VRK2: variants seen among roughly 807,000 people sequenced by gnomAD.
The protein encoded by VRK2 is VRK serine/threonine kinase 2.
A neutral mutation model predicts 57.6 loss-of-function variants in VRK2; 60 were observed. The ratio of observed to expected loss-of-function variants is 1.04; its 90% CI spans 0.85 to 1.29. The LOEUF (loss-of-function observed/expected upper bound fraction) is 1.29, where lower values mean the gene tolerates loss of function less well. Among genes scored for constraint, VRK2 ranks in the 50% most tolerant of loss-of-function variants. The probability of loss-of-function intolerance (pLI) is 0.00; values close to 1 mark genes in which losing one functional copy is unlikely to be tolerated. For missense variants in VRK2, 705 were observed against 588.1 expected, an observed-to-expected ratio of 1.20 and a Z score of -2.06; for synonymous variants, 231 against 199.2, an observed-to-expected ratio of 1.16 and a Z score of -1.35.
intron 7 of VRK2, among the ~76,000 whole-genome samples, chr2:58,104,864 A>G (rs940594176): frequency 6.6e-6 from 1 of 152,032 alleles, no homozygotes; most frequent in South Asian, 2.1e-4. Flanking sequence ...AAATAGACAC[A>G]TAGATCAGTG....
intron 7 of VRK2, among the ~76,000 whole-genome samples, chr2:58,092,576 C>T (rs930618772): frequency 1.3e-5 from 2 of 152,154 alleles, no homozygotes; most frequent in African/African-American, 2.4e-5. Flanking sequence ...GTATGTTTCA[C>T]ATGGAAACTG....
chr2:58,132,894 A>G (rs915686088), intron 9 of VRK2, among the ~76,000 whole-genome samples: 1 of 152,182 alleles, frequency 6.6e-6, no homozygotes, highest in East Asian at 1.9e-4. Flanking sequence ...CCAAAACTAA[A>G]ACATTTATAT....
At chr2:58,132,479 A>G (rs1230137058) in intron 9 of VRK2, among the ~76,000 whole-genome samples, 1 of 152,196 alleles carries the variant, frequency 6.6e-6, no homozygotes, top group Non-Finnish European at 1.5e-5. Context: ...TTCAGTTTTT[A>G]TTACCTGGAT....
intron 1 of VRK2, among the ~76,000 whole-genome samples, chr2:58,021,796 T>G (rs1420240389): frequency 6.6e-6 from 1 of 152,214 alleles, no homozygotes; most frequent in Non-Finnish European, 1.5e-5. Context: ...ACCTACATCT[T>G]CATTCCATTT....
chr2:58,159,153 C>T, intron 12 of VRK2, 196 bp from the exon 13 acceptor site: 1 of 439,084 alleles, frequency 2.3e-6, no homozygotes. Flanking sequence ...TCCAGATTTG[C>T]TTGTTGGATG....
chr2:57,936,955 G>A (rs1380880551), intron 1 of VRK2, among the ~76,000 whole-genome samples: 1 of 152,058 alleles, frequency 6.6e-6, no homozygotes, highest in African/African-American at 2.4e-5. Context: ...TTCCTTACCT[G>A]ATCACAGTTT....
intron 4 of VRK2, 112 bp downstream of exon 4, chr2:58,085,062 A>G (rs1671430753): frequency 3.2e-6 from 3 of 932,548 alleles, no homozygotes; most frequent in Admixed American, 3.1e-5. Context: ...TAGAAATTTT[A>G]TTGTAAAGTG....
chr2:57,912,559 G>A (rs987011288), intron 1 of VRK2, among the ~76,000 whole-genome samples: 2 of 152,148 alleles, frequency 1.3e-5, no homozygotes, highest in Non-Finnish European at 2.9e-5. Flanking sequence ...AAACAGAGAG[G>A]AAATCAGAAA....
intron 7 of VRK2, among the ~76,000 whole-genome samples, chr2:58,098,941 TCTTGG>T (rs1673554017): frequency 2.0e-5 from 3 of 152,120 alleles, no homozygotes; most frequent in Non-Finnish European, 4.4e-5. Flanking sequence ...GATATTATCC[TCTTGG>T]ACCACCTAAC....
intron 1 of VRK2, among the ~76,000 whole-genome samples, chr2:57,992,028 G>C (rs1572751552): frequency 6.6e-6 from 1 of 151,744 alleles, no homozygotes; most frequent in African/African-American, 2.4e-5. Context: ...CAAGCATCTA[G>C]AAGAGTGGTA....
At chr2:57,940,852 T>C (rs1237298482) in intron 1 of VRK2, among the ~76,000 whole-genome samples, 1 of 151,774 alleles carries the variant, frequency 6.6e-6, no homozygotes, top group Non-Finnish European at 1.5e-5. Context: ...AGATATTAAA[T>C]GTATATACTA....
chr2:58,047,528 A>G (rs375875357), intron 1 of VRK2: 2 of 828,682 alleles, frequency 2.4e-6, no homozygotes, highest in Non-Finnish European at 1.5e-6. Flanking sequence ...GCCTTGCCCC[A>G]AAGTGTATTT....
intron 12 of VRK2, among the ~76,000 whole-genome samples, chr2:58,151,081 T>C (rs1011757999): frequency 3.3e-5 from 5 of 151,780 alleles, no homozygotes; most frequent in East Asian, 3.8e-4. Flanking sequence ...TGTATACTTA[T>C]GAAGTTTGGG....
chr2:57,970,846 C>G (rs181188880), intron 1 of VRK2, among the ~76,000 whole-genome samples: 5 of 152,028 alleles, frequency 3.3e-5, no homozygotes, highest in South Asian at 2.1e-4. Context: ...TACATTAAAA[C>G]CAGTCTCAGA....
Position 58,048,962 on chromosome 2 carries a change from A to G in VRK2, c.131A>G (p.Tyr44Cys). 1.2e-6 allele frequency: 2 copies of G among 1,611,440 alleles called. No individual in the cohort carries two copies. The highest frequency in any genetic ancestry group is 2.2e-5 in the South Asian group (2 of 90,554). The change falls in exon 2 of 13, where the codon TAT becomes TGT. Residue 44 changes from tyrosine (Y) to cysteine (C), a missense_variant. Physicochemically the swap from Tyr to Cys is radical, Grantham distance 194. Transcript: ENST00000340157. ...GGCTCTGGAGGATTTGGATTGATATATTTAGGTAAAGTAAAACCTTAAATT... is the reference window on the plus strand; with the variant it reads ...GGCTCTGGAGGATTTGGATTGATATGTTTAGGTAAAGTAAAACCTTAAATT... ...KIGSGGFGLI[Y>C]LAFPTNKPEK...
intron 1 of VRK2, among the ~76,000 whole-genome samples, chr2:57,922,755 A>G (rs1450634710): frequency 6.6e-6 from 1 of 151,316 alleles, no homozygotes; most frequent in African/African-American, 2.4e-5. Context: ...AAACAATCCA[A>G]TTATACTTAT....
At chr2:58,097,171 T>C (rs1226529731) in intron 7 of VRK2, among the ~76,000 whole-genome samples, 2 of 152,118 alleles carry the variant, frequency 1.3e-5, no homozygotes, top group African/African-American at 4.8e-5. Flanking sequence ...CCAAAAGATC[T>C]ACCTTATTCA....
intron 1 of VRK2, 124 bp downstream of exon 1, chr2:58,046,992 A>C (rs1478895194): frequency 2.0e-6 from 2 of 984,754 alleles, no homozygotes; most frequent in Non-Finnish European, 2.4e-6. Context: ...GGGCCGTCCC[A>C]GCCCCCGGGC....
intron 1 of VRK2, among the ~76,000 whole-genome samples, chr2:57,934,554 G>A (rs751112127): frequency 5.9e-5 from 9 of 152,118 alleles, no homozygotes; most frequent in South Asian, 2.1e-4. Flanking sequence ...TAAAGTCTTC[G>A]TCAGGTTGAA....
Sources: allele counts gnomAD v4.1 joint callset (sites outside exome capture counted in the v4.1 genomes callset), GRCh38; gene constraint gnomAD v4.1.1; transcripts MANE v1.5; gene names NCBI Gene and HGNC (gene_info 2026-07-23, HGNC 2026-07-21).